ABCA10: variants seen among roughly 807,000 people sequenced by gnomAD.
The protein encoded by ABCA10 is ATP-binding cassette sub-family A member 10.
In ABCA10, 169 loss-of-function variants were observed where a neutral mutation model predicts 187.5. That is an observed-to-expected ratio of 0.90 (90% CI 0.80 to 1.02). ABCA10 has a LOEUF of 1.02. ABCA10 is among the 50% of genes least tolerant of loss of function. The pLI is 0.00. For synonymous variants in ABCA10, 574 were observed against 601.8 expected (o/e 0.95, Z 0.68); for missense variants, 1,727 against 1,812.4 (o/e 0.95, Z 0.86).
intron 3 of ABCA10, among the ~76,000 whole-genome samples, chr17:69,224,563 T>C (rs1234425870): frequency 6.6e-6 from 1 of 152,020 alleles, no homozygotes; most frequent in Non-Finnish European, 1.5e-5. Context: ...AGGTCTCACA[T>C]AGTAAGTAGG....
intron 5 of ABCA10, among the ~76,000 whole-genome samples, chr17:69,220,071 C>A (rs1377419906): frequency 6.6e-6 from 1 of 152,128 alleles, no homozygotes; most frequent in Admixed American, 6.5e-5. Context: ...TGTAGCGCAG[C>A]AGAAGAAAGG....
At chr17:69,214,387 C>T (rs911115026) in intron 9 of ABCA10, among the ~76,000 whole-genome samples, 3 of 150,138 alleles carry the variant, frequency 2.0e-5, no homozygotes, top group African/African-American at 4.9e-5. Context: ...TAGTGGCGGG[C>T]GCCTGTAGTC....
chr17:69,194,515 G>T lies in ABCA10; in HGVS notation c.1235-20C>A, dbSNP rs2074484662. 1.3e-6 allele frequency: 2 copies of T among 1,564,116 alleles called. No individual in the cohort carries two copies. The highest frequency in any genetic ancestry group is 8.7e-7 in the Non-Finnish European group (1 of 1,145,624). Reference sequence around the variant, plus strand: ...ATATGCCTGTTTTAGAATAAAAAGTGGAAATTAGATTTTGGATTATATGCA... The same window carrying T: ...ATATGCCTGTTTTAGAATAAAAAGTTGAAATTAGATTTTGGATTATATGCA... On this transcript the variant is annotated intron_variant, in intron 11 of 38. Transcript: ENST00000690296.
chr17:69,149,145 A>C (rs2074109878), intron 37 of ABCA10, 57 bp from the exon 38 acceptor site: 4 of 1,579,840 alleles, frequency 2.5e-6, no homozygotes, highest in Non-Finnish European at 3.5e-6. Flanking sequence ...AGTGTTTGTA[A>C]AGTCATACAA....
intron 22 of ABCA10, among the ~76,000 whole-genome samples, chr17:69,180,564 A>G (rs1172672451): frequency 1.3e-5 from 2 of 152,160 alleles, no homozygotes; most frequent in Non-Finnish European, 2.9e-5. Context: ...AAATAAAGGC[A>G]TGATTAACTC....
At chr17:69,196,829 G>C (rs1390144973) in intron 11 of ABCA10, among the ~76,000 whole-genome samples, 1 of 152,170 alleles carries the variant, frequency 6.6e-6, no homozygotes, top group Non-Finnish European at 1.5e-5. Context: ...CGGCCAACAC[G>C]GCAAAACCCC....
intron 22 of ABCA10, 160 bp from the exon 23 acceptor site, chr17:69,175,673 G>A (rs1449673664): frequency 5.6e-6 from 3 of 537,274 alleles, no homozygotes; most frequent in Non-Finnish European, 9.6e-6. Flanking sequence ...TTAGTGGCAG[G>A]TTCCATTCCC....
intron 22 of ABCA10, among the ~76,000 whole-genome samples, chr17:69,177,415 C>T (rs752041040): frequency 8.5e-5 from 13 of 152,102 alleles, no homozygotes; most frequent in Non-Finnish European, 1.5e-5. Flanking sequence ...TGGTCCTTGA[C>T]TGGCATTTGA....
rs1348440068 is a variant in ABCA10, at chr17:69,148,067, C to T, written c.*760G>A. Reference sequence around the variant, plus strand: ...CTTGCATATAACCCGAACGTAACAACTCTGGTATTACATCAATACAGCTAT... The same window carrying T: ...CTTGCATATAACCCGAACGTAACAATTCTGGTATTACATCAATACAGCTAT... On this transcript the variant is annotated 3_prime_UTR_variant, in exon 39 of 39. Transcript: ENST00000690296. 6.6e-6 allele frequency: 1 copy of T among 152,076 alleles called. No homozygotes were observed. The highest frequency in any genetic ancestry group is 1.5e-5 in the Non-Finnish European group (1 of 68,014). The allele number at this position is 152,076 out of a possible 1,614,324, so 9.4% of individuals were successfully genotyped here.
upstream of ABCA10, among the ~76,000 whole-genome samples, chr17:69,229,627 C>T (rs1010881266): frequency 3.3e-5 from 5 of 151,818 alleles, no homozygotes; most frequent in African/African-American, 1.2e-4. Flanking sequence ...GACTCAGAGA[C>T]TCTTCAAATG....
intron 9 of ABCA10, among the ~76,000 whole-genome samples, chr17:69,202,283 A>G (rs1226401898): frequency 6.6e-6 from 1 of 152,230 alleles, no homozygotes; most frequent in Non-Finnish European, 1.5e-5. Flanking sequence ...AGGGATGTGT[A>G]AGCTGATCCT....
chr17:69,176,773 A>C (rs2074338260), intron 22 of ABCA10, among the ~76,000 whole-genome samples: 1 of 152,178 alleles, frequency 6.6e-6, no homozygotes, highest in Non-Finnish European at 1.5e-5. Context: ...TGTGCAATTT[A>C]AAACTGATAA....
chr17:69,222,984 A>G (rs967127212), intron 3 of ABCA10, among the ~76,000 whole-genome samples: 12 of 152,072 alleles, frequency 7.9e-5, no homozygotes, highest in Non-Finnish European at 1.3e-4. Context: ...GTAAGCATAG[A>G]AACATACTCT....
chr17:69,183,947 T>C (rs1230689721), intron 20 of ABCA10, among the ~76,000 whole-genome samples: 1 of 152,140 alleles, frequency 6.6e-6, no homozygotes, highest in Admixed American at 6.5e-5. Flanking sequence ...CCCTGCTTGC[T>C]TTCTCAAAGG....
In ABCA10 at chr17:69,198,789, G is replaced by T. The variant is rs148315553; in HGVS notation, c.1176-1667C>A. On this transcript the variant is annotated intron_variant, in intron 10 of 38. Coordinates refer to ENST00000690296, the MANE Select transcript of ABCA10 (RefSeq NM_001377321.1). The stretch of plus-strand genomic sequence containing the variant: ...ACCAGACCTAGACTGGTAAAATATC[G>T]TAAATATTTCCATTTCTCCAGTTGT... 4.3e-3 allele frequency among the ~76,000 whole-genome samples: 658 copies of T among 152,132 alleles called. 4 individuals are homozygous for T. The highest frequency in any genetic ancestry group is 0.01 in the Admixed American group (157 of 15,272).
intron 5 of ABCA10, among the ~76,000 whole-genome samples, chr17:69,220,234 T>C (rs1194504937): frequency 6.7e-6 from 1 of 149,486 alleles, no homozygotes; most frequent in Admixed American, 6.7e-5. Context: ...TAAACAAAGA[T>C]TGGGGGAGGG....
At chr17:69,155,769 G>T in intron 29 of ABCA10, 36 bp downstream of exon 29, 1 of 1,599,106 alleles carries the variant, frequency 6.3e-7, no homozygotes, top group South Asian at 1.1e-5. Flanking sequence ...CAAACTATCT[G>T]AGCATTTTAT....
At chr17:69,182,392 C>T in intron 21 of ABCA10, 102 bp from the exon 22 acceptor site, 1 of 1,084,152 alleles carries the variant, frequency 9.2e-7, no homozygotes, top group Non-Finnish European at 1.2e-6. Context: ...GAGAAGGAGA[C>T]TATTAATTTT....
At chr17:69,177,668 G>T (rs1340854764) in intron 22 of ABCA10, among the ~76,000 whole-genome samples, 1 of 151,842 alleles carries the variant, frequency 6.6e-6, no homozygotes, top group Non-Finnish European at 1.5e-5. Context: ...ATAATGTATA[G>T]TGAGGCCAGA....
Sources: gnomAD v4.1 joint callset for allele counts (sites outside exome capture counted in the v4.1 genomes callset) on GRCh38, gnomAD v4.1.1 for gene constraint, MANE v1.5 for transcripts, NCBI Gene and HGNC (gene_info 2026-07-23, HGNC 2026-07-21) for gene names.